The following ATP13A1 variants were observed in gnomAD, a reference collection of about 807,000 sequenced individuals.
ATP13A1 encodes the protein endoplasmic reticulum transmembrane helix translocase.
Under a neutral mutation model 134.8 loss-of-function variants are expected in ATP13A1, and 55 were observed. That is an observed-to-expected ratio of 0.41 (90% confidence interval 0.33 to 0.51). ATP13A1 has a LOEUF of 0.51. Ranked by LOEUF, ATP13A1 falls within the 20% of genes least tolerant of loss-of-function variation. ATP13A1 has a pLI of 0.29. For synonymous variants in ATP13A1, 775 were observed against 725.1 expected, an observed-to-expected ratio of 1.07 and a Z score of -1.10; for missense variants, 1,389 against 1,652.8, an observed-to-expected ratio of 0.84 and a Z score of 2.77.
Position 19,657,351 on chromosome 19 carries a change from G to T in ATP13A1, c.735C>A (p.Pro245=), listed in dbSNP as rs767854641. Residue 245 remains proline (P), a synonymous_variant, in exon 4 of 26, where the codon CCC becomes CCA. Coordinates refer to ENST00000357324, the MANE Select transcript of ATP13A1 (RefSeq NM_020410.3). ...SELFKERATA[P]FFVFQVFCVG... Reference sequence around the variant, plus strand: ...GCTGCTTTACCTGAAATACAAAGAAGGGGGCTGTGGCTCTCTCCTTGAAAA... The same window carrying T: ...GCTGCTTTACCTGAAATACAAAGAATGGGGCTGTGGCTCTCTCCTTGAAAA... The T allele has an allele frequency of 6.4e-7, 1 of 1,572,076 alleles. No individual in the cohort carries two copies.
At position 19,657,086 on chromosome 19, in the gene ATP13A1, T is replaced by C. The variant is rs776209374; in HGVS notation, c.814A>G (p.Met272Val). The C allele has an allele frequency of 3.2e-6, 5 of 1,543,588 alleles. No homozygotes were observed. The highest frequency in any genetic ancestry group is 1.3e-5 in the South Asian group (1 of 78,764). ...YWYYSVFTLS[M>V]LVAFEASLVQ... ...AGCGAGGCCTCGAACGCCACCAGCA[T>C]GGATAGCGTAAAGACGCTGTAGTAC... Residue 272 changes from methionine (M) to valine (V), a missense_variant, in exon 5 of 26, where the codon ATG becomes GTG. Physicochemically the swap from Met to Val is conservative, Grantham distance 21 (BLOSUM62 1). Coordinates refer to ENST00000357324, the MANE Select transcript of ATP13A1 (RefSeq NM_020410.3).
In ATP13A1 at chr19:19,656,571, T is replaced by C; in HGVS notation, c.1083+89A>G. The C allele has an allele frequency of 7.4e-7, 1 of 1,353,980 alleles. No individual in the cohort carries two copies. The highest frequency in any genetic ancestry group is 1.0e-6 in the Non-Finnish European group (1 of 977,888). 83.9% of individuals were successfully genotyped at this position (1,353,980 alleles called of 1,614,324 possible). On this transcript the variant is annotated intron_variant, in intron 7 of 25. Coordinates refer to ENST00000357324, the MANE Select transcript of ATP13A1 (RefSeq NM_020410.3). The surrounding 1 kb of genome is among the most constrained non-coding windows in gnomAD (Gnocchi z 4.6). Reference sequence around the variant, plus strand: ...CCACACTGCCTCCTCCGCCTGTGCCTGAGGGGGATCCCCGCCACCCCCTGG... The same window carrying C: ...CCACACTGCCTCCTCCGCCTGTGCCCGAGGGGGATCCCCGCCACCCCCTGG...
intron 1 of ATP13A1, 60 bp from the exon 2 acceptor site, chr19:19,660,047 C>T: frequency 6.8e-6 from 10 of 1,475,886 alleles, no homozygotes; most frequent in South Asian, 1.3e-5. Context: ...TTCCAAGACC[C>T]CCCCGGGAGG....
chr19:19,656,236 C>G lies in ATP13A1; in HGVS notation c.1084-53G>C. The stretch of plus-strand genomic sequence containing the variant: ...GGCCAGGCCTACCTTGCTTCCTTCT[C>G]CATCTGAGTTCCTGGACAGCTGGAC... On this transcript the variant is annotated intron_variant, in intron 7 of 25. Coordinates refer to ENST00000357324, the MANE Select transcript of ATP13A1 (RefSeq NM_020410.3). The surrounding 1 kb of genome is among the most constrained non-coding windows in gnomAD (Gnocchi z 4.6). 5.8e-6 allele frequency: 9 copies of G among 1,552,770 alleles called. No homozygotes were observed. The highest frequency in any genetic ancestry group is 7.8e-6 in the Non-Finnish European group (9 of 1,148,702).
At position 19,647,599 on chromosome 19, in the gene ATP13A1, C is replaced by T. The variant is rs1391937277; in HGVS notation, c.2793G>A (p.Arg931=). 6.2e-7 allele frequency: 1 copy of T among 1,613,388 alleles called. No individual in the cohort carries two copies. The highest frequency in any genetic ancestry group is 1.7e-5 in the Admixed American group (1 of 59,984). The change falls in exon 20 of 26, where the codon AGG becomes AGA. Residue 931 remains arginine (R), a splice_region_variant and synonymous_variant. Transcript: ENST00000357324. The surrounding 1 kb of genome is among the most constrained non-coding windows in gnomAD (Gnocchi z 4.8). ...PPSEEQPTSQ[R]DRLSQVLRDL... ...CAGCACCTCCCCTCTTGGGACTCAC[C>T]CTCTGGGAGGTTGGCTGCTCCTCGG...
chr19:19,653,717 G>GA lies in ATP13A1; in HGVS notation c.2100+66dup. ...TTCAACCTGGCACTGTGGGACACAG[G>GA]AGGTGACTCAGGGAGGAGCTGACGG... On this transcript the variant is annotated intron_variant, in intron 15 of 25. Transcript: ENST00000357324. The surrounding 1 kb of genome is among the most constrained non-coding windows in gnomAD (Gnocchi z 4.2). 1 of 1,366,304 alleles carries GA rather than the reference G, an allele frequency of 7.3e-7. No individual in the cohort carries two copies. Among genetic ancestry groups the GA allele is most frequent in the Non-Finnish European group, 1.0e-6 (1 of 990,736 alleles). 84.6% of individuals were successfully genotyped at this position (1,366,304 alleles called of 1,614,324 possible).
chr19:19,646,492 C>G (rs1166889041), intron 22 of ATP13A1, 145 bp from the exon 23 acceptor site: 2 of 987,702 alleles, frequency 2.0e-6, no homozygotes, highest in Non-Finnish European at 3.0e-6. Flanking sequence ...TGGGTCAGCA[C>G]CAGTCCCTGG....
chr19:19,654,877 G>C (rs1190461081), intron 12 of ATP13A1, among the ~76,000 whole-genome samples, 177 bp from the exon 13 acceptor site: 1 of 152,194 alleles, frequency 6.6e-6, no homozygotes, highest in Non-Finnish European at 1.5e-5. Flanking sequence ...CAGAAGCCAG[G>C]CATTGTGCCT....
At chr19:19,660,339 G>A (rs560702040) in intron 1 of ATP13A1, among the ~76,000 whole-genome samples, 12 of 152,114 alleles carry the variant, frequency 7.9e-5, no homozygotes, top group South Asian at 2.1e-4. Flanking sequence ...CAAATGAGCC[G>A]GACACGGTGG....
At position 19,656,915 on chromosome 19, in the gene ATP13A1, A is replaced by C. The variant is rs1405783268; in HGVS notation, c.908T>G (p.Val303Gly). Residue 303 changes from valine to glycine, a missense_variant and splice_region_variant, in exon 6 of 26, where the codon GTC (valine) becomes GGC (glycine). Physicochemically the swap from Val to Gly is moderately radical, Grantham distance 109. Around this residue, in one of 4 missense-constraint regions of ATP13A1, gnomAD observed 747 missense variants for 956.1 expected, o/e 0.78. Coordinates refer to ENST00000357324, the MANE Select transcript of ATP13A1 (RefSeq NM_020410.3). This position sits in a 1 kb window ranked among gnomAD's most constrained non-coding sequence, Gnocchi z 4.6. ...GGGCCTCCACTTGCGGCTTCGGTAG[A>C]CCTGGGCGGGGCATGGGTGTCAGCA... ...KMGNKPHMIQ[V>G]YRSRKWRPIA... 3.7e-6 allele frequency: 6 copies of C among 1,610,450 alleles called. No individual in the cohort carries two copies. Among genetic ancestry groups the C allele is most frequent in the Non-Finnish European group, 5.1e-6 (6 of 1,178,764 alleles).
intron 1 of ATP13A1, chr19:19,662,943 T>C (rs535320258): frequency 2.2e-6 from 1 of 459,220 alleles, no homozygotes; most frequent in African/African-American, 2.0e-5. Flanking sequence ...GTCGCTAATA[T>C]GGGAACTAGT....
Position 19,647,892 on chromosome 19 carries a change from C to G in ATP13A1, c.2633-133G>C, listed in dbSNP as rs2061996868. On this transcript the variant is annotated intron_variant, in intron 19 of 25. Transcript: ENST00000357324. This position sits in a 1 kb window ranked among gnomAD's most constrained non-coding sequence, Gnocchi z 4.8. ...ACAGTTCCCAGACTTCCCCATTTCA[C>G]CTGACACCCTAAGGAGACCTCAGAG... 8.4e-7 allele frequency: 1 copy of G among 1,185,772 alleles called. No individual in the cohort carries two copies. Among genetic ancestry groups the G allele is most frequent in the African/African-American group, 1.5e-5 (1 of 64,838 alleles). 73.5% of individuals were successfully genotyped at this position (1,185,772 alleles called of 1,614,324 possible).
chr19:19,653,432 TGTGCC>T lies in ATP13A1; in HGVS notation c.2100+347_2100+351del, dbSNP rs2062036995. The T allele has an allele frequency of 3.0e-6, 1 of 332,540 alleles. No homozygotes were observed. The highest frequency in any genetic ancestry group is 6.4e-5 in the East Asian group (1 of 15,686). 20.6% of individuals were successfully genotyped at this position (332,540 alleles called of 1,614,324 possible). ...GCCCAGGAAGAAGCCAAGCGGCAGA[TGTGCC>T]GGTGGTGGAGGCGGAGGGTGGGCTT... On this transcript the variant is annotated intron_variant, in intron 15 of 25. Transcript: ENST00000357324. The surrounding 1 kb of genome is among the most constrained non-coding windows in gnomAD (Gnocchi z 4.2).
rs775119214 is a variant in ATP13A1, at chr19:19,657,316, G to T, written c.750+20C>A. The stretch of plus-strand genomic sequence containing the variant: ...CCCCAAGGGAGGAAATGGGGAGATG[G>T]GCCAGAGCTGCTGCTTTACCTGAAA... On this transcript the variant is annotated intron_variant, in intron 4 of 25. Coordinates refer to ENST00000357324, the MANE Select transcript of ATP13A1 (RefSeq NM_020410.3). The T allele has an allele frequency of 6.4e-7, 1 of 1,559,040 alleles. No individual in the cohort carries two copies. Among genetic ancestry groups the T allele is most frequent in the South Asian group, 1.2e-5 (1 of 84,400 alleles).
At position 19,647,692 on chromosome 19, in the gene ATP13A1, T is replaced by C. The variant is rs1162704305; in HGVS notation, c.2700A>G (p.Pro900=). The C allele has an allele frequency of 6.2e-7, 1 of 1,612,056 alleles. No individual in the cohort carries two copies. The highest frequency in any genetic ancestry group is 1.7e-5 in the Admixed American group (1 of 59,972). Residue 900 remains proline, a synonymous_variant, in exon 20 of 26, where the codon CCA becomes CCG. Coordinates refer to ENST00000357324, the MANE Select transcript of ATP13A1 (RefSeq NM_020410.3). This position sits in a 1 kb window ranked among gnomAD's most constrained non-coding sequence, Gnocchi z 4.8. ...CTCTGATGCCACTGTTGCTCAGGGT[T>C]GGGCTGTCCCGGGGCCGCCGTCGCC... ...VERRRRPRDS[P]TLSNSGIRAT...
rs1159092957 is a variant in ATP13A1, at chr19:19,654,034, G to A, written c.1924C>T (p.Leu642=). 1.9e-6 allele frequency: 3 copies of A among 1,598,136 alleles called. No homozygotes were observed. The highest frequency in any genetic ancestry group is 1.7e-5 in the Admixed American group (1 of 57,280). ...ATGTAGCAGAGGTCGGTGGAGCCCA[G>A]CTTCTCATACGAGGCAAGCACGGAC... is the stretch of plus-strand genomic sequence containing the variant. ...RMSVLASYEK[L]GSTDLCYIAA... The change falls in exon 14 of 26, where the codon CTG becomes TTG. Residue 642 remains leucine, a synonymous_variant. Transcript: ENST00000357324.
chr19:19,654,182 TCCAAAGAGGCAGCCAA>T (rs2062042348), intron 13 of ATP13A1, 38 bp from the exon 14 acceptor site: 4 of 1,546,430 alleles, frequency 2.6e-6, no homozygotes, highest in Non-Finnish European at 3.5e-6. Context: ...GGGGCTTTGC[TCCAAAGAGGCAGCCAA>T]GCCCCTACCT....
intron 1 of ATP13A1, among the ~76,000 whole-genome samples, 162 bp from the exon 2 acceptor site, chr19:19,660,149 C>T (rs763752580): frequency 3.9e-5 from 6 of 152,208 alleles, no homozygotes; most frequent in Non-Finnish European, 7.3e-5. Context: ...TCAGGACAAA[C>T]GAGACCATCT....
rs758783475 is a variant in ATP13A1 at position 19,652,833 on chromosome 19, C to T, written c.2101-113G>A. 144 of 1,392,352 alleles carry T rather than the reference C, an allele frequency of 1.0e-4. No individual in the cohort carries two copies. The Middle Eastern group carries it at 1.2e-3, about 12-fold the overall frequency. 86.2% of individuals were successfully genotyped at this position (1,392,352 alleles called of 1,614,324 possible). A position where few individuals can be genotyped will look rare whatever the true frequency, so the allele number is the denominator to read the frequency against. The stretch of plus-strand genomic sequence containing the variant: ...CAAGGGGACAATGGAAGGCCCTGTT[C>T]CCGTAGTGGGCACATGCGAGGGTTG... On this transcript the variant is annotated intron_variant, in intron 15 of 25. Transcript: ENST00000357324.
Sources: gnomAD v4.1 joint callset for allele counts (sites outside exome capture counted in the v4.1 genomes callset) on GRCh38, gnomAD v4.1.1 for gene constraint, gnomAD v4.1.1 regional missense constraint, Gnocchi (gnomAD v3.1) non-coding constraint, MANE v1.5 for transcripts, NCBI Gene and HGNC (gene_info 2026-07-23, HGNC 2026-07-21) for gene names.